MINPP1: variants seen among roughly 807,000 people sequenced by gnomAD.
MINPP1 encodes the protein multiple inositol polyphosphate phosphatase 1.
In MINPP1, 28 loss-of-function variants were observed where a neutral mutation model predicts 46.1. That is an observed-to-expected ratio of 0.61 (90% confidence interval 0.45 to 0.83). The LOEUF is 0.83. Among genes scored for constraint, MINPP1 ranks in the 40% least tolerant of loss-of-function variants. The probability of loss-of-function intolerance (pLI) is 0.00; values close to 1 mark genes in which losing one functional copy is unlikely to be tolerated. For synonymous variants in MINPP1, 268 were observed against 249.1 expected (o/e 1.08, Z -0.72); for missense variants, 603 against 610.0 (o/e 0.99, Z 0.12).
At chr10:87,548,032 T>A (rs1851912185) in intron 4 of MINPP1, among the ~76,000 whole-genome samples, 1 of 152,220 alleles carries the variant, frequency 6.6e-6, no homozygotes, top group African/African-American at 2.4e-5. Context: ...AGTTATGCCC[T>A]GTAGTTTTCA....
intron 2 of MINPP1, 83 bp from the exon 3 acceptor site, chr10:87,513,041 C>T (rs1030883094): frequency 4.5e-5 from 42 of 931,296 alleles, no homozygotes; most frequent in Non-Finnish European, 7.3e-5. Context: ...AGCTGTACCA[C>T]ACATGGCATT....
rs781282233 is a variant in MINPP1, at chr10:87,505,379, G to A, written c.464G>A (p.Arg155Gln). ...GTAGAGAAGGGACGGCAGGATATGC[G>A]ACAGCTGGCGCTGCGTCTGGCCTCG... ...QLVEKGRQDM[R>Q]QLALRLASLF... Residue 155 changes from arginine to glutamine, a missense_variant, in exon 1 of 5, where the codon CGA (arginine) becomes CAA (glutamine). Around this residue, in one of 3 missense-constraint regions of MINPP1, gnomAD observed 20 missense variants for 39.5 expected, o/e 0.51. Coordinates refer to ENST00000371996, the MANE Select transcript of MINPP1 (RefSeq NM_004897.5). This position sits in a 1 kb window ranked among gnomAD's most constrained non-coding sequence, Gnocchi z 4.4. 1 of 1,613,964 alleles carries A rather than the reference G, an allele frequency of 6.2e-7. No homozygotes were observed. The highest frequency in any genetic ancestry group is 1.1e-5 in the South Asian group (1 of 91,074).
chr10:87,526,098 A>G (rs1354329302), intron 4 of MINPP1, among the ~76,000 whole-genome samples: 2 of 152,202 alleles, frequency 1.3e-5, no homozygotes, highest in Non-Finnish European at 2.9e-5. Context: ...GTGAAATGGT[A>G]TTTCTAGTTC....
chr10:87,525,133 A>G (rs933985072), intron 4 of MINPP1, among the ~76,000 whole-genome samples: 16 of 152,360 alleles, frequency 1.1e-4, no homozygotes, highest in African/African-American at 3.8e-4. Flanking sequence ...AGATGAGGTA[A>G]TACCTGTATC....
At chr10:87,508,905 A>T (rs1851294948) in intron 2 of MINPP1, among the ~76,000 whole-genome samples, 1 of 152,228 alleles carries the variant, frequency 6.6e-6, no homozygotes, top group Non-Finnish European at 1.5e-5. Context: ...CTTTTGAAGC[A>T]GTTCAAAAGT....
intron 3 of MINPP1, among the ~76,000 whole-genome samples, chr10:87,518,248 C>T (rs1386140443): frequency 3.3e-5 from 5 of 151,422 alleles, no homozygotes; most frequent in East Asian, 1.9e-4. Flanking sequence ...CGTGAGCCAC[C>T]GCACCCGGCC....
At chr10:87,513,004 C>T (rs1189616741) in intron 2 of MINPP1, 120 bp from the exon 3 acceptor site, 14 of 740,430 alleles carry the variant, frequency 1.9e-5, no homozygotes, top group Middle Eastern at 2.3e-4. Flanking sequence ...TTATTTCTTC[C>T]CCAAACTGAA....
intron 3 of MINPP1, among the ~76,000 whole-genome samples, chr10:87,514,401 T>C (rs1345631604): frequency 2.0e-5 from 3 of 152,198 alleles, no homozygotes; most frequent in Admixed American, 6.5e-5. Context: ...CTTAAGTCTT[T>C]TATAGCTGTT....
rs137914014 is a variant in MINPP1, at chr10:87,530,978, C to G, written c.1067+9809C>G. Among the ~76,000 whole-genome samples, 18 of 152,328 alleles carry G rather than the reference C, an allele frequency of 1.2e-4. No individual in the cohort carries two copies. In the East Asian group the frequency reaches 2.7e-3, roughly 23 times the overall value. ...TGCTGTGCTAGCAGTGAGCGAGGCTCTGTGGGCATGGGACCCTCCGAGCCA... is the reference window on the plus strand; with the variant it reads ...TGCTGTGCTAGCAGTGAGCGAGGCTGTGTGGGCATGGGACCCTCCGAGCCA... On this transcript the variant is annotated intron_variant, in intron 4 of 4. Transcript: ENST00000371996.
intron 4 of MINPP1, among the ~76,000 whole-genome samples, chr10:87,543,622 T>G (rs1000830824): frequency 2.6e-5 from 4 of 152,182 alleles, no homozygotes; most frequent in Non-Finnish European, 1.5e-5. Flanking sequence ...AAAATGAGTT[T>G]GGTCATTTCT....
intron 4 of MINPP1, among the ~76,000 whole-genome samples, chr10:87,534,977 A>G (rs1851713025): frequency 6.6e-6 from 1 of 152,266 alleles, no homozygotes; most frequent in African/African-American, 2.4e-5. Flanking sequence ...CATTGGGAAT[A>G]CATAAACATG....
At chr10:87,542,231 G>T (rs1851825110) in intron 4 of MINPP1, among the ~76,000 whole-genome samples, 1 of 152,146 alleles carries the variant, frequency 6.6e-6, no homozygotes, top group South Asian at 2.1e-4. Context: ...TCAGCCAAAA[G>T]AAAGGGGCAG....
At chr10:87,506,796 C>T (rs1005210655) in intron 1 of MINPP1, among the ~76,000 whole-genome samples, 3 of 152,178 alleles carry the variant, frequency 2.0e-5, no homozygotes, top group African/African-American at 4.8e-5. Flanking sequence ...TTTGTAATTT[C>T]TTCTGTAGCT....
chr10:87,532,106 A>G (rs1189604323), intron 4 of MINPP1, among the ~76,000 whole-genome samples: 1 of 151,848 alleles, frequency 6.6e-6, no homozygotes, highest in East Asian at 1.9e-4. Flanking sequence ...CCCCTCTACC[A>G]CCCCTGCCCC....
intron 4 of MINPP1, among the ~76,000 whole-genome samples, chr10:87,535,109 T>C (rs547756889): frequency 6.6e-6 from 1 of 152,346 alleles, no homozygotes; most frequent in East Asian, 1.9e-4. Context: ...CTGCAGTTCA[T>C]GGTAGTTGGA....
chr10:87,505,258 A>G lies in MINPP1; in HGVS notation c.343A>G (p.Arg115Gly). ...CGGGTTGCTGCAGGCCCGCGGGTCCAGGGATGGCGGGGCTAGTAGTACCGG... is the reference window on the plus strand; with the variant it reads ...CGGGTTGCTGCAGGCCCGCGGGTCCGGGGATGGCGGGGCTAGTAGTACCGG... ...LHGLLQARGS[R>G]DGGASSTGSR... Residue 115 changes from arginine to glycine, a missense_variant, in exon 1 of 5, where the codon AGG (arginine) becomes GGG (glycine). Around this residue, in one of 3 missense-constraint regions of MINPP1, gnomAD observed 239 missense variants for 189.4 expected, o/e 1.26. Coordinates refer to ENST00000371996, the MANE Select transcript of MINPP1 (RefSeq NM_004897.5). The surrounding 1 kb of genome is among the most constrained non-coding windows in gnomAD (Gnocchi z 4.4). 1 of 1,612,306 alleles carries G rather than the reference A, an allele frequency of 6.2e-7. No individual in the cohort carries two copies. Among genetic ancestry groups the G allele is most frequent in the Non-Finnish European group, 8.5e-7 (1 of 1,178,862 alleles).
intron 4 of MINPP1, among the ~76,000 whole-genome samples, chr10:87,529,031 C>A (rs1851619345): frequency 6.6e-6 from 1 of 152,092 alleles, no homozygotes; most frequent in Non-Finnish European, 1.5e-5. Context: ...AGGATTGCAA[C>A]CCCTGCTTTT....
chr10:87,542,206 T>C (rs2131838109), intron 4 of MINPP1, among the ~76,000 whole-genome samples: 1 of 152,208 alleles, frequency 6.6e-6, no homozygotes, highest in South Asian at 2.1e-4. Flanking sequence ...TACCTCCTAT[T>C]CCAAAAGGGA....
At chr10:87,546,447 G>A (rs1183487327) in intron 4 of MINPP1, 4 of 152,270 alleles carry the variant, frequency 2.6e-5, no homozygotes, top group African/African-American at 9.6e-5. Context: ...ACCACATCCT[G>A]TTTTATCAGC....
Sources: allele counts gnomAD v4.1 joint callset (sites outside exome capture counted in the v4.1 genomes callset), GRCh38; gene constraint gnomAD v4.1.1; regional missense constraint gnomAD v4.1.1; non-coding constraint Gnocchi (gnomAD v3.1); transcripts MANE v1.5; gene names NCBI Gene and HGNC (gene_info 2026-07-23, HGNC 2026-07-21).